The following ITGA8 variants were observed in gnomAD, a reference collection of about 807,000 sequenced individuals.
ITGA8 encodes the protein integrin alpha-8.
Under a neutral mutation model 142.3 loss-of-function variants are expected in ITGA8, and 91 were observed. The observed-to-expected ratio is 0.64, with a 90% CI of 0.54 to 0.76. The LOEUF is 0.76. Ranked by LOEUF, ITGA8 falls within the 30% of genes least tolerant of loss-of-function variation. The pLI is 0.00. For synonymous variants in ITGA8, 505 were observed against 485.2 expected, an observed-to-expected ratio of 1.04 and a Z score of -0.54; for missense variants, 1,406 against 1,327.7, an observed-to-expected ratio of 1.06 and a Z score of -0.92.
At chr10:15,669,595 C>A (rs912547385) in intron 8 of ITGA8, among the ~76,000 whole-genome samples, 7 of 152,192 alleles carry the variant, frequency 4.6e-5, no homozygotes, top group Non-Finnish European at 1.0e-4. Flanking sequence ...GAGAGGTGCT[C>A]TGATTTTTAG....
chr10:15,694,192 T>C lies in ITGA8; in HGVS notation c.344-6154A>G, dbSNP rs968610812. The stretch of plus-strand genomic sequence containing the variant: ...TATATCAGATAATATATCATATATA[T>C]GATAATATATCATATATATGATAAC... On this transcript the variant is annotated intron_variant, in intron 2 of 29. Transcript: ENST00000378076. 4.2e-3 allele frequency among the ~76,000 whole-genome samples: 578 copies of C among 136,240 alleles called. 7 individuals carry two copies. Among genetic ancestry groups the C allele is most frequent in the Middle Eastern group, 0.024 (6 of 250 alleles). 89.4% of individuals were successfully genotyped at this position (136,240 alleles called of 152,430 possible).
intron 25 of ITGA8, among the ~76,000 whole-genome samples, chr10:15,559,372 T>C (rs1042006356): frequency 6.6e-6 from 1 of 152,198 alleles, no homozygotes; most frequent in African/African-American, 2.4e-5. Context: ...CCTATCCAGC[T>C]GTACCTAAGC....
intron 27 of ITGA8, among the ~76,000 whole-genome samples, chr10:15,547,013 A>C (rs1216987907): frequency 2.0e-5 from 3 of 152,130 alleles, no homozygotes; most frequent in Non-Finnish European, 4.4e-5. Flanking sequence ...AAACATAAAA[A>C]TCTAGGGATA....
chr10:15,597,647 A>G (rs1833031773), intron 20 of ITGA8, among the ~76,000 whole-genome samples: 1 of 152,144 alleles, frequency 6.6e-6, no homozygotes, highest in Non-Finnish European at 1.5e-5. Context: ...GAGTAAATAA[A>G]TTTATTCTAT....
At chr10:15,628,933 C>T (rs2131631728) in intron 13 of ITGA8, among the ~76,000 whole-genome samples, 1 of 152,070 alleles carries the variant, frequency 6.6e-6, no homozygotes, top group African/African-American at 2.4e-5. Context: ...CTACAACAAT[C>T]CTGAGTGGTG....
At chr10:15,611,114 A>G (rs1833286073) in intron 15 of ITGA8, among the ~76,000 whole-genome samples, 1 of 152,234 alleles carries the variant, frequency 6.6e-6, no homozygotes, top group African/African-American at 2.4e-5. Flanking sequence ...ATAAAGTTAT[A>G]TCAAATACAG....
rs534714654 is a variant in ITGA8, at chr10:15,657,509, C to CTTTTTTTTTTTTTTTTTTTTT, written c.948+1489_948+1490insAAAAAAAAAAAAAAAAAAAAA. Among the ~76,000 whole-genome samples, 14 of 116,494 alleles carry CTTTTTTTTTTTTTTTTTTTTT rather than the reference C, an allele frequency of 1.2e-4. 2 individuals carry two copies. The highest frequency in any genetic ancestry group is 2.4e-4 in the East Asian group (1 of 4,222). The allele number at this position is 116,494 out of a possible 152,430, so 76.4% of individuals were successfully genotyped here. ...CTGCTGGTTTCTTTTTCTTTTCTTT[C>CTTTTTTTTTTTTTTTTTTTTT]ATTTTTTTTTTTTTTTTTTTTTAAC... On this transcript the variant is annotated intron_variant, in intron 10 of 29. Transcript: ENST00000378076.
intron 2 of ITGA8, among the ~76,000 whole-genome samples, chr10:15,708,586 TA>T (rs906807670): frequency 7.3e-5 from 11 of 151,500 alleles, no homozygotes; most frequent in East Asian, 3.9e-4. Context: ...CCTGCAAAAT[TA>T]AAAAAAAAGT....
At chr10:15,628,067 C>T (rs1328913857) in intron 13 of ITGA8, among the ~76,000 whole-genome samples, 1 of 151,948 alleles carries the variant, frequency 6.6e-6, no homozygotes, top group Non-Finnish European at 1.5e-5. Flanking sequence ...TTTGCAAATG[C>T]CATGACAACG....
At chr10:15,529,041 CTCCTTCCT>C (rs1056842706) in intron 28 of ITGA8, among the ~76,000 whole-genome samples, 8 of 145,668 alleles carry the variant, frequency 5.5e-5, no homozygotes, top group Admixed American at 1.4e-4. Context: ...CCCTTCCTTT[CTCCTTCCT>C]TCCTTCCTTT....
chr10:15,607,711 G>A lies in ITGA8; in HGVS notation c.1730C>T (p.Ser577Phe), dbSNP rs2298033. 0.022 allele frequency: 35,776 copies of A among 1,613,792 alleles called. 867 individuals are homozygous for A. Among genetic ancestry groups the A allele is most frequent in the East Asian group, 0.092 (4,110 of 44,860 alleles). ...AACGATGAAATCCTGGCACTGGTGG[G>A]ATTTCTGCCTTTTTATCACAAGAGG... is the stretch of plus-strand genomic sequence containing the variant. ...VFPLVIKRQK[S>F]HQCQDFIVYL... The change falls in exon 17 of 30, where the codon TCC becomes TTC. Residue 577 changes from serine (S) to phenylalanine (F), a missense_variant. By Grantham distance (155) the Ser-to-Phe change is radical (BLOSUM62 -2). Transcript: ENST00000378076.
At chr10:15,672,305 A>C (rs1317765270) in intron 7 of ITGA8, among the ~76,000 whole-genome samples, 1 of 152,190 alleles carries the variant, frequency 6.6e-6, no homozygotes, top group Non-Finnish European at 1.5e-5. Context: ...GTCTCTGTTA[A>C]CTAAGAAGGC....
chr10:15,564,817 A>G (rs1298761530), intron 25 of ITGA8, among the ~76,000 whole-genome samples: 1 of 152,246 alleles, frequency 6.6e-6, no homozygotes, highest in Non-Finnish European at 1.5e-5. Context: ...TTCCTAGCAC[A>G]CAAGAAACAA....
chr10:15,558,276 C>A (rs2131567640), intron 25 of ITGA8, 74 bp from the exon 26 acceptor site: 3 of 1,558,718 alleles, frequency 1.9e-6, no homozygotes, highest in South Asian at 1.2e-5. Context: ...GCCTTGAACT[C>A]TAGGCAATTT....
At chr10:15,677,727 G>T (rs1018242994) in intron 5 of ITGA8, 90 bp from the exon 6 acceptor site, 3 of 1,280,750 alleles carry the variant, frequency 2.3e-6, no homozygotes, top group African/African-American at 3.0e-5. Context: ...AATAAGCATT[G>T]CTCTAACAAT....
At chr10:15,562,437 T>C (rs1834000865) in intron 25 of ITGA8, among the ~76,000 whole-genome samples, 1 of 152,170 alleles carries the variant, frequency 6.6e-6, no homozygotes, top group Non-Finnish European at 1.5e-5. Context: ...GGAAGGATAT[T>C]AGAAACAGGA....
At chr10:15,588,949 G>A (rs563100837) in intron 22 of ITGA8, among the ~76,000 whole-genome samples, 6 of 152,278 alleles carry the variant, frequency 3.9e-5, no homozygotes, top group South Asian at 2.1e-4. Context: ...GCATACTAGC[G>A]GTGTCAGCAA....
At position 15,647,087 on chromosome 10, in the gene ITGA8, CAG is replaced by C. The variant is rs749213712; in HGVS notation, c.1002-38_1002-37del. On this transcript the variant is annotated intron_variant, in intron 11 of 29. Coordinates refer to ENST00000378076, the MANE Select transcript of ITGA8 (RefSeq NM_003638.3). The stretch of plus-strand genomic sequence containing the variant: ...CAAAGAAAGCAGCTCAGCACGCTAG[CAG>C]AGAGTAGAGTCACTTTGGGTTATTT... 8.0e-6 allele frequency: 12 copies of C among 1,507,868 alleles called. No homozygotes were observed. In the Admixed American group the frequency reaches 2.0e-4, roughly 25 times the overall value. The allele number at this position is 1,507,868 out of a possible 1,614,324, so 93.4% of individuals were successfully genotyped here.
Position 15,684,030 on chromosome 10 carries a change from T to C in ITGA8, c.542A>G (p.Tyr181Cys), listed in dbSNP as rs1365660441. The change falls in exon 4 of 30, where the codon TAT becomes TGT. Residue 181 changes from tyrosine (Y) to cysteine (C), a missense_variant. Transcript: ENST00000378076. The part of the protein sequence containing the change: ...CYVAIQNFSA[Y>C]AEFSPCRNSN... ...GTTCCGGCAAGGAGAGAACTCGGCA[T>C]AGGCGCTGAAGTTCTGAATTGCTAC... The C allele has an allele frequency of 9.3e-6, 15 of 1,614,084 alleles. No homozygotes were observed. Among genetic ancestry groups the C allele is most frequent in the Non-Finnish European group, 1.3e-5 (15 of 1,180,028 alleles).
Sources: allele counts gnomAD v4.1 joint callset (sites outside exome capture counted in the v4.1 genomes callset), GRCh38; gene constraint gnomAD v4.1.1; transcripts MANE v1.5; gene names NCBI Gene and HGNC (gene_info 2026-07-23, HGNC 2026-07-21).